IFT88: variants seen among roughly 807,000 people sequenced by gnomAD.
IFT88 encodes intraflagellar transport protein 88 homolog.
IFT88 carries 74 observed loss-of-function variants against 119.5 expected under a neutral mutation model. That is an observed-to-expected ratio of 0.62 (90% CI 0.51 to 0.75). The LOEUF is 0.75. Ranked by LOEUF, IFT88 falls within the 30% of genes least tolerant of loss-of-function variation. The probability of loss-of-function intolerance (pLI) is 0.00; values close to 1 mark genes in which losing one functional copy is unlikely to be tolerated. For synonymous variants in IFT88, 279 were observed against 316.7 expected (o/e 0.88, Z 1.26); for missense variants, 961 against 977.7 (o/e 0.98, Z 0.23).
intron 24 of IFT88, among the ~76,000 whole-genome samples, chr13:20,671,360 T>C (rs1049216287): frequency 1.3e-5 from 2 of 152,222 alleles, no homozygotes; most frequent in Non-Finnish European, 2.9e-5. Context: ...TGTTACATTT[T>C]TAAAATTTCC....
chr13:20,636,103 A>G (rs1267021838), intron 16 of IFT88, among the ~76,000 whole-genome samples: 2 of 152,104 alleles, frequency 1.3e-5, no homozygotes, highest in Non-Finnish European at 2.9e-5. Context: ...GCTTTCCCAC[A>G]TGTCTCAACA....
intron 20 of IFT88, among the ~76,000 whole-genome samples, chr13:20,646,612 C>T (rs2050798328): frequency 6.6e-6 from 1 of 151,946 alleles, no homozygotes; most frequent in Non-Finnish European, 1.5e-5. Flanking sequence ...GACACCACGC[C>T]CAGCCTACAC....
At chr13:20,641,933 G>C (rs975988146) in intron 18 of IFT88, 1 of 152,416 alleles carries the variant, frequency 6.6e-6, no homozygotes, top group Non-Finnish European at 1.5e-5. Context: ...TTTATTGAAT[G>C]TATACTATGT....
At chr13:20,643,338 A>G (rs1422359936) in intron 18 of IFT88, 117 bp from the exon 19 acceptor site, 8 of 726,400 alleles carry the variant, frequency 1.1e-5, no homozygotes, top group Non-Finnish European at 1.8e-5. Context: ...CAGAGGAAAC[A>G]GTATACAATA....
At chr13:20,611,707 C>A (rs965019710) in intron 13 of IFT88, among the ~76,000 whole-genome samples, 1 of 151,922 alleles carries the variant, frequency 6.6e-6, no homozygotes, top group Admixed American at 6.6e-5. Context: ...TGGGTTCGAG[C>A]GATTCCCCTG....
chr13:20,636,762 G>A (rs1336207678), intron 16 of IFT88, among the ~76,000 whole-genome samples: 1 of 152,202 alleles, frequency 6.6e-6, no homozygotes, highest in Non-Finnish European at 1.5e-5. Context: ...AATGTTACAT[G>A]TTTTAGTTTT....
chr13:20,611,601 T>TTTTTG (rs894713262), intron 13 of IFT88, among the ~76,000 whole-genome samples: 1 of 151,676 alleles, frequency 6.6e-6, no homozygotes, highest in African/African-American at 2.4e-5. Flanking sequence ...TTTTACCAGT[T>TTTTTG]TTTTGTTTTG....
chr13:20,593,535 C>CT (rs906236460), intron 7 of IFT88, among the ~76,000 whole-genome samples: 7 of 150,696 alleles, frequency 4.6e-5, no homozygotes, highest in East Asian at 1.9e-4. Context: ...TTTTTTGTTT[C>CT]TTTTTTTTAT....
intron 5 of IFT88, among the ~76,000 whole-genome samples, chr13:20,591,256 T>C (rs1481410942): frequency 2.0e-5 from 3 of 152,180 alleles, no homozygotes; most frequent in African/African-American, 7.2e-5. Flanking sequence ...GGTGTGGACA[T>C]AGAACTGATA....
At chr13:20,648,092 G>A (rs762937231) in intron 20 of IFT88, among the ~76,000 whole-genome samples, 1 of 152,208 alleles carries the variant, frequency 6.6e-6, no homozygotes, top group Non-Finnish European at 1.5e-5. Flanking sequence ...AACACAAACT[G>A]TCAACCAAGG....
intron 20 of IFT88, among the ~76,000 whole-genome samples, chr13:20,647,000 C>T (rs745313384): frequency 6.6e-6 from 1 of 152,140 alleles, no homozygotes; most frequent in Non-Finnish European, 1.5e-5. Context: ...TGAATTGATG[C>T]TACACAAATC....
chr13:20,625,631 A>G, intron 14 of IFT88, 119 bp from the exon 15 acceptor site: 2 of 592,424 alleles, frequency 3.4e-6, no homozygotes, highest in Non-Finnish European at 5.8e-6. Context: ...TCGAGTGCTT[A>G]CCTTTACAGA....
chr13:20,610,986 A>G (rs1205527310), intron 13 of IFT88, among the ~76,000 whole-genome samples: 1 of 151,922 alleles, frequency 6.6e-6, no homozygotes, highest in African/African-American at 2.4e-5. Flanking sequence ...TAAAAATAAC[A>G]AAAACTGAGG....
In IFT88 at chr13:20,568,179, T is replaced by TA. The variant is rs34335945; in HGVS notation, c.-7+935dup. Among the ~76,000 whole-genome samples, 290 of 143,804 alleles carry TA rather than the reference T, an allele frequency of 2.0e-3. 1 individual carries two copies. The highest frequency in any genetic ancestry group is 6.3e-3 in the African/African-American group (249 of 39,380). The allele number at this position is 143,804 out of a possible 152,430, so 94.3% of individuals were successfully genotyped here. ...AGTATTAAAAAACATACCTTTCACT[T>TA]AAAAAAAAAAAAGGTTTTGCCAGCA... is the stretch of plus-strand genomic sequence containing the variant. On this transcript the variant is annotated intron_variant, in intron 1 of 25. Transcript: ENST00000351808.
chr13:20,613,167 A>G (rs2044907703), intron 13 of IFT88, among the ~76,000 whole-genome samples: 1 of 152,198 alleles, frequency 6.6e-6, no homozygotes, highest in Non-Finnish European at 1.5e-5. Context: ...ACTGAATGGG[A>G]GAAAATATTT....
At chr13:20,610,104 GT>G (rs55652116) in intron 13 of IFT88, among the ~76,000 whole-genome samples, 65 of 146,878 alleles carry the variant, frequency 4.4e-4, no homozygotes, top group Non-Finnish European at 7.0e-4. Context: ...CTTGACTGCT[GT>G]TTTTTTTTTT....
intron 20 of IFT88, among the ~76,000 whole-genome samples, chr13:20,649,956 A>G (rs2051351114): frequency 6.6e-6 from 1 of 152,310 alleles, no homozygotes; most frequent in Non-Finnish European, 1.5e-5. Context: ...GCATAGACCT[A>G]TAACCAGTAA....
At chr13:20,671,305 G>T (rs1407963810) in intron 24 of IFT88, among the ~76,000 whole-genome samples, 1 of 152,100 alleles carries the variant, frequency 6.6e-6, no homozygotes, top group Non-Finnish European at 1.5e-5. Context: ...AATCTCTCAG[G>T]TTGGACAGAT....
intron 13 of IFT88, among the ~76,000 whole-genome samples, chr13:20,610,063 C>T (rs1377259230): frequency 6.6e-6 from 1 of 151,774 alleles, no homozygotes; most frequent in Non-Finnish European, 1.5e-5. Flanking sequence ...AAGATGCTTC[C>T]CTGTTCAGAG....
Sources: allele counts gnomAD v4.1 joint callset (sites outside exome capture counted in the v4.1 genomes callset), GRCh38; gene constraint gnomAD v4.1.1; transcripts MANE v1.5; gene names NCBI Gene and HGNC (gene_info 2026-07-23, HGNC 2026-07-21).